The following MYO3A variants were observed in gnomAD, a reference collection of about 807,000 sequenced individuals.
MYO3A encodes the protein myosin-IIIa.
Under a neutral mutation model 192.7 loss-of-function variants are expected in MYO3A, and 180 were observed. The observed-to-expected ratio is 0.93, with a 90% CI of 0.83 to 1.06. MYO3A has a LOEUF of 1.06. MYO3A is among the 50% of genes least tolerant of loss of function. The pLI is 0.00. For synonymous variants in MYO3A, 628 were observed against 645.3 expected (o/e 0.97, Z 0.41); for missense variants, 1,896 against 1,905.0 (o/e 1.00, Z 0.09).
intron 9 of MYO3A, 85 bp from the exon 10 acceptor site, chr10:26,026,292 T>G: frequency 6.7e-7 from 1 of 1,485,098 alleles, no homozygotes; most frequent in Non-Finnish European, 9.3e-7. Context: ...CACTCTCGTG[T>G]GTTAGATTAA....
At position 26,166,152 on chromosome 10, in the gene MYO3A, G is replaced by A. The variant is rs56403976; in HGVS notation, c.3085G>A (p.Asp1029Asn). The A allele has an allele frequency of 2.7e-5, 43 of 1,613,736 alleles. No homozygotes were observed. The highest frequency in any genetic ancestry group is 3.4e-4 in the Middle Eastern group (2 of 5,908). ...CATILEKAGL[D>N]NWALGKTKVF... ...CACCATTTTGGAAAAAGCTGGTCTC[G>A]ATAACTGGGCTCTTGGAAAAACAAA... The change falls in exon 27 of 35, where the codon GAT (aspartate) becomes AAT (asparagine). Residue 1029 changes from aspartate to asparagine, a missense_variant. By Grantham distance (23) the Asp-to-Asn change is conservative. Coordinates refer to ENST00000642920, the MANE Select transcript of MYO3A (RefSeq NM_017433.5).
intron 6 of MYO3A, among the ~76,000 whole-genome samples, chr10:26,002,365 C>T (rs1840881997): frequency 6.6e-6 from 1 of 152,122 alleles, no homozygotes; most frequent in South Asian, 2.1e-4. Context: ...GAAGGATGCA[C>T]CCCTAGAGAT....
At chr10:26,139,245 A>G (rs144960852) in intron 20 of MYO3A, among the ~76,000 whole-genome samples, 123 of 152,208 alleles carry the variant, frequency 8.1e-4, no homozygotes, top group Non-Finnish European at 1.2e-3. Context: ...AAAAATATAT[A>G]TATTTTTTGA....
chr10:25,999,054 T>C (rs550106627), intron 6 of MYO3A, among the ~76,000 whole-genome samples: 77 of 152,174 alleles, frequency 5.1e-4, no homozygotes, highest in African/African-American at 1.8e-3. Context: ...CCCACCACCA[T>C]GCCTGGCTAA....
At chr10:26,090,015 C>G (rs1027377431) in intron 15 of MYO3A, among the ~76,000 whole-genome samples, 1 of 152,232 alleles carries the variant, frequency 6.6e-6, no homozygotes, top group South Asian at 2.1e-4. Context: ...GTGCCCAAAA[C>G]TCAGTGGACA....
At chr10:25,979,933 A>G (rs1002559864) in intron 4 of MYO3A, among the ~76,000 whole-genome samples, 8 of 152,180 alleles carry the variant, frequency 5.3e-5, no homozygotes, top group African/African-American at 1.9e-4. Flanking sequence ...CAGGCAAAAC[A>G]AACAAACAAA....
intron 17 of MYO3A, among the ~76,000 whole-genome samples, chr10:26,117,179 C>A (rs1027540015): frequency 6.6e-6 from 1 of 152,078 alleles, no homozygotes; most frequent in Non-Finnish European, 1.5e-5. Context: ...TACAGCCAAG[C>A]CTCTTCATTA....
chr10:26,195,778 CCTT>C lies in MYO3A; in HGVS notation c.4545+2471_4545+2473del, dbSNP rs556846088. Among the ~76,000 whole-genome samples, 35 of 152,294 alleles carry C rather than the reference CCTT, an allele frequency of 2.3e-4. 1 individual carries two copies. Among genetic ancestry groups the C allele is most frequent in the African/African-American group, 8.2e-4 (34 of 41,566 alleles). ...CCTAGATGTCTTTTTCTTCAGGAAA[CCTT>C]CTTGTCACTCCCAAATCCCAAGAGA... On this transcript the variant is annotated intron_variant, in intron 32 of 34. Coordinates refer to ENST00000642920, the MANE Select transcript of MYO3A (RefSeq NM_017433.5).
chr10:26,092,280 C>T (rs1836747310), intron 15 of MYO3A, among the ~76,000 whole-genome samples: 1 of 152,110 alleles, frequency 6.6e-6, no homozygotes, highest in South Asian at 2.1e-4. Flanking sequence ...ATCCTGGCTA[C>T]ACGGTGAAAC....
chr10:26,088,323 A>G lies in MYO3A; in HGVS notation c.1480A>G (p.Lys494Glu). The change falls in exon 15 of 35, where the codon AAA (lysine) becomes GAA (glutamate). Residue 494 changes from lysine (K) to glutamate (E), a missense_variant. Transcript: ENST00000642920. ...CAGATTTGGAAAATACTTAGAAATG[A>G]AATTCACCTCTTCTGGAGCGGTAGT... ...SSRFGKYLEM[K>E]FTSSGAVVGA... 1.9e-6 allele frequency: 3 copies of G among 1,613,986 alleles called. No homozygotes were observed. Among genetic ancestry groups the G allele is most frequent in the Non-Finnish European group, 1.7e-6 (2 of 1,179,916 alleles).
chr10:26,017,527 G>A (rs777472600), intron 7 of MYO3A, among the ~76,000 whole-genome samples: 2 of 152,054 alleles, frequency 1.3e-5, no homozygotes. Context: ...TGGGGAAAGC[G>A]CTGCTATTTA....
chr10:26,076,210 T>A (rs142419038), intron 14 of MYO3A, among the ~76,000 whole-genome samples: 39 of 152,306 alleles, frequency 2.6e-4, no homozygotes, highest in African/African-American at 7.7e-4. Flanking sequence ...TAAGGTGGTA[T>A]CACATTGTGG....
intron 20 of MYO3A, among the ~76,000 whole-genome samples, chr10:26,139,357 A>G (rs535274216): frequency 6.6e-6 from 1 of 151,664 alleles, no homozygotes; most frequent in Non-Finnish European, 1.5e-5. Flanking sequence ...TTTCTTTCTC[A>G]GCCTCCCAAG....
intron 26 of MYO3A, among the ~76,000 whole-genome samples, chr10:26,164,365 C>T (rs564379605): frequency 8.3e-5 from 11 of 132,164 alleles, no homozygotes; most frequent in Non-Finnish European, 1.2e-4. Context: ...AGAACACAGG[C>T]GGAGGATGAA....
chr10:26,050,314 A>G (rs1226942270), intron 10 of MYO3A, among the ~76,000 whole-genome samples: 2 of 152,124 alleles, frequency 1.3e-5, no homozygotes, highest in African/African-American at 2.4e-5. Context: ...ACAATCATAC[A>G]CTCACCAGTG....
chr10:26,148,274 C>T (rs751536779), intron 23 of MYO3A, among the ~76,000 whole-genome samples: 14 of 152,218 alleles, frequency 9.2e-5, no homozygotes, highest in Non-Finnish European at 1.9e-4. Flanking sequence ...GTTCTTTCCC[C>T]ATTGAATTGC....
intron 4 of MYO3A, among the ~76,000 whole-genome samples, chr10:25,973,598 AT>A (rs1176983777): frequency 6.6e-6 from 1 of 152,108 alleles, no homozygotes; most frequent in African/African-American, 2.4e-5. Flanking sequence ...CTCATTCAGT[AT>A]TTTATTGGAT....
At chr10:26,024,322 A>G (rs915674874) in intron 9 of MYO3A, among the ~76,000 whole-genome samples, 7 of 152,212 alleles carry the variant, frequency 4.6e-5, no homozygotes, top group Non-Finnish European at 1.0e-4. Context: ...CTTTATAATC[A>G]ATGGTCATGT....
chr10:25,967,192 A>C (rs2130700716), intron 4 of MYO3A, among the ~76,000 whole-genome samples: 1 of 152,306 alleles, frequency 6.6e-6, no homozygotes, highest in Admixed American at 6.5e-5. Flanking sequence ...TTAACTGAAA[A>C]CCCACATAGA....
Sources: allele counts gnomAD v4.1 joint callset (sites outside exome capture counted in the v4.1 genomes callset), GRCh38; gene constraint gnomAD v4.1.1; transcripts MANE v1.5; gene names NCBI Gene and HGNC (gene_info 2026-07-23, HGNC 2026-07-21).